Variants in UGT1A8 observed in about 807,000 individuals in gnomAD.
UGT1A8 encodes the protein UDP-glucuronosyltransferase 1A8.
A neutral mutation model predicts 45.3 loss-of-function variants in UGT1A8; 39 were observed. The ratio of observed to expected loss-of-function variants is 0.86; its 90% CI spans 0.67 to 1.12. The LOEUF (loss-of-function observed/expected upper bound fraction) is 1.12, where lower values mean the gene tolerates loss of function less well. Among genes scored for constraint, UGT1A8 ranks in the 50% most tolerant of loss-of-function variants. The pLI is 0.00. For synonymous variants in UGT1A8, 275 were observed against 249.2 expected (o/e 1.10, Z -0.97); for missense variants, 719 against 664.9 (o/e 1.08, Z -0.90).
chr2:233,718,702 T>C (rs904899091), intron 1 of UGT1A8: 3 of 1,600,624 alleles, frequency 1.9e-6, no homozygotes, highest in African/African-American at 2.7e-5. Context: ...GGGCACTTTG[T>C]CTTCCAATTA....
chr2:233,695,554 A>T (rs1000632787), intron 1 of UGT1A8, among the ~76,000 whole-genome samples: 1 of 151,596 alleles, frequency 6.6e-6, no homozygotes, highest in African/African-American at 2.4e-5. Context: ...AATTTTAACC[A>T]ACCATTTTCA....
rs1174769439 is a variant in UGT1A8, at chr2:233,773,222, A to G, written c.*663A>G. On this transcript the variant is annotated 3_prime_UTR_variant, in exon 5 of 5. Coordinates refer to ENST00000373450, the MANE Select transcript of UGT1A8 (RefSeq NM_019076.5). ...TTTGATAAAAACCCAAAATACAGCTATGAAGTGCTGGGCAAGTTTACTTTT... is the reference window on the plus strand; with the variant it reads ...TTTGATAAAAACCCAAAATACAGCTGTGAAGTGCTGGGCAAGTTTACTTTT... 2 of 152,386 alleles carry G rather than the reference A, an allele frequency of 1.3e-5. No homozygotes were observed. Among genetic ancestry groups the G allele is most frequent in the African/African-American group, 4.8e-5 (2 of 41,470 alleles). 9.4% of individuals were successfully genotyped at this position (152,386 alleles called of 1,614,324 possible).
chr2:233,755,186 G>T, intron 1 of UGT1A8: 2 of 1,186,224 alleles, frequency 1.7e-6, no homozygotes, highest in Non-Finnish European at 2.3e-6. Flanking sequence ...GGTGCCACTT[G>T]AGCGCCAGCT....
intron 1 of UGT1A8, among the ~76,000 whole-genome samples, chr2:233,629,918 C>T (rs2073156636): frequency 6.6e-6 from 1 of 152,048 alleles, no homozygotes; most frequent in Non-Finnish European, 1.5e-5. Context: ...TTGGCATAAA[C>T]TTGTTCATGT....
chr2:233,644,073 A>G (rs868003146), intron 1 of UGT1A8, among the ~76,000 whole-genome samples: 1 of 152,100 alleles, frequency 6.6e-6, no homozygotes, highest in Non-Finnish European at 1.5e-5. Context: ...TCAGTATGTC[A>G]TACTCCCCTT....
At chr2:233,755,317 G>C (rs1457699650) in intron 1 of UGT1A8, 17 of 525,588 alleles carry the variant, frequency 3.2e-5, no homozygotes, top group Non-Finnish European at 5.3e-5. Context: ...CGAGCGGCAA[G>C]GCTGCCAGCA....
At chr2:233,707,925 A>G (rs4663326) in intron 1 of UGT1A8, among the ~76,000 whole-genome samples, 13,554 of 152,258 alleles carry the variant, frequency 0.089, 755 homozygotes, top group South Asian at 0.2. Context: ...GTTTTAAAAT[A>G]TACTTATCAG....
chr2:233,661,623 T>TTTTCTTTCCTTCTTTCTTTCTTTCTTTC (rs1553602618), intron 1 of UGT1A8, among the ~76,000 whole-genome samples: 1 of 123,952 alleles, frequency 8.1e-6, no homozygotes, highest in African/African-American at 3.2e-5. Flanking sequence ...ACTTACTGAA[T>TTTTCTTTCCTTCTTTCTTTCTTTCTTTC]TTTCTTTCTT....
chr2:233,747,487 T>A lies in UGT1A8; in HGVS notation c.856-19547T>A, dbSNP rs547060406. 1.9e-5 allele frequency: 31 copies of A among 1,608,702 alleles called. 1 individual carries two copies. In the South Asian group the frequency reaches 2.7e-4, roughly 14 times the overall value. On this transcript the variant is annotated intron_variant, in intron 1 of 4. Transcript: ENST00000373450. ...TGGACCCAGGATGAATTTGATCGCC[T>A]TGTGCTGGGCCACACTCAACTGTAC...
At chr2:233,730,041 T>G in intron 1 of UGT1A8, 1 of 1,612,628 alleles carries the variant, frequency 6.2e-7, no homozygotes, top group South Asian at 1.1e-5. Flanking sequence ...CAAAACACTT[T>G]TTAAAAAAAT....
intron 4 of UGT1A8, 105 bp downstream of exon 4, chr2:233,768,544 TAA>T: frequency 7.0e-7 from 1 of 1,425,890 alleles, no homozygotes; most frequent in Non-Finnish European, 9.3e-7. Flanking sequence ...GTTTCAAATA[TAA>T]AAACAAATAC....
intron 1 of UGT1A8, chr2:233,713,010 G>T (rs778526502): frequency 6.2e-7 from 1 of 1,613,520 alleles, no homozygotes; most frequent in African/African-American, 1.3e-5. Flanking sequence ...AGGACTCCAG[G>T]TTCCCCTGCC....
chr2:233,685,595 T>A (rs2074745339), intron 1 of UGT1A8, among the ~76,000 whole-genome samples: 1 of 152,202 alleles, frequency 6.6e-6, no homozygotes, highest in African/African-American at 2.4e-5. Flanking sequence ...AAGGCCTCCC[T>A]CCAAGATTAT....
intron 1 of UGT1A8, among the ~76,000 whole-genome samples, chr2:233,715,455 G>C (rs2076453035): frequency 6.6e-6 from 1 of 151,790 alleles, no homozygotes; most frequent in African/African-American, 2.4e-5. Flanking sequence ...GTTATTTTTT[G>C]AATTCCCCAT....
At chr2:233,754,740 A>G (rs1278383852) in intron 1 of UGT1A8, 2 of 687,602 alleles carry the variant, frequency 2.9e-6, no homozygotes, top group Admixed American at 2.3e-5. Flanking sequence ...ACCGTAGGAC[A>G]TGCAGAAGGA....
intron 1 of UGT1A8, among the ~76,000 whole-genome samples, chr2:233,622,478 C>A (rs923301166): frequency 2.6e-5 from 4 of 152,168 alleles, no homozygotes; most frequent in African/African-American, 9.7e-5. Flanking sequence ...TCTGTGATGA[C>A]CAGTGATGAT....
At chr2:233,695,048 C>T (rs1442838675) in intron 1 of UGT1A8, among the ~76,000 whole-genome samples, 2 of 152,134 alleles carry the variant, frequency 1.3e-5, no homozygotes, top group African/African-American at 2.4e-5. Context: ...TAACCATAGT[C>T]ACCCTACTGT....
intron 1 of UGT1A8, chr2:233,743,733 G>A (rs949975964): frequency 8.8e-6 from 12 of 1,367,248 alleles, no homozygotes; most frequent in Admixed American, 7.6e-5. Flanking sequence ...TAGATATCGC[G>A]TTTCTTGGCG....
chr2:233,649,724 AAAC>A (rs2073693123), intron 1 of UGT1A8, among the ~76,000 whole-genome samples: 2 of 152,206 alleles, frequency 1.3e-5, no homozygotes, highest in Non-Finnish European at 2.9e-5. Context: ...AACTTCTTCA[AAAC>A]AACAATGATA....
Sources: allele counts gnomAD v4.1 joint callset (sites outside exome capture counted in the v4.1 genomes callset), GRCh38; gene constraint gnomAD v4.1.1; transcripts MANE v1.5; gene names NCBI Gene and HGNC (gene_info 2026-07-23, HGNC 2026-07-21).